The following TECTA variants were observed in gnomAD, a reference collection of about 807,000 sequenced individuals.
TECTA encodes alpha-tectorin.
TECTA carries 128 observed loss-of-function variants against 216.8 expected under a neutral mutation model. That is an observed-to-expected ratio of 0.59 (90% confidence interval 0.51 to 0.68). The LOEUF (loss-of-function observed/expected upper bound fraction) is 0.68, where lower values mean the gene tolerates loss of function less well. TECTA is among the 30% of genes least tolerant of loss of function. TECTA has a pLI of 0.00. For synonymous variants in TECTA, 1,089 were observed against 1,117.1 expected (o/e 0.97, Z 0.50); for missense variants, 2,551 against 2,786.2 (o/e 0.92, Z 1.90).
chr11:121,153,141 A>G (rs1344553438), intron 13 of TECTA, 61 bp downstream of exon 13: 1 of 1,558,992 alleles, frequency 6.4e-7, no homozygotes, highest in Non-Finnish European at 8.7e-7. Context: ...CTCCAACTCT[A>G]AGAGGTTGGT....
chr11:121,108,273 C>A (rs1783778), intron 3 of TECTA, among the ~76,000 whole-genome samples: 58,486 of 151,436 alleles, frequency 0.39, 11,316 homozygotes, highest in Middle Eastern at 0.43. Context: ...ACGCATGCCA[C>A]CCCCAGTACA....
At chr11:121,187,679 G>A (rs925729764) in intron 20 of TECTA, among the ~76,000 whole-genome samples, 153 bp from the exon 21 acceptor site, 1 of 151,764 alleles carries the variant, frequency 6.6e-6, no homozygotes, top group African/African-American at 2.4e-5. Context: ...TAAATGACAA[G>A]CCCATGCAGT....
intron 10 of TECTA, among the ~76,000 whole-genome samples, 174 bp from the exon 11 acceptor site, chr11:121,137,247 C>T (rs929965827): frequency 7.2e-5 from 11 of 152,068 alleles, no homozygotes; most frequent in East Asian, 3.9e-4. Context: ...CTCGCACACA[C>T]GCACGTGCAC....
chr11:121,185,148 G>A (rs988086183), intron 20 of TECTA, among the ~76,000 whole-genome samples: 11 of 152,214 alleles, frequency 7.2e-5, no homozygotes, highest in African/African-American at 1.9e-4. Context: ...CTGAATAAAC[G>A]TCTTCAAATT....
At chr11:121,161,990 CA>C in intron 15 of TECTA, 84 bp from the exon 16 acceptor site, 1 of 1,577,650 alleles carries the variant, frequency 6.3e-7, no homozygotes. Context: ...GCACTAGCTT[CA>C]GGGGTAGCAA....
intron 20 of TECTA, among the ~76,000 whole-genome samples, chr11:121,171,097 T>C (rs942548428): frequency 4.6e-5 from 7 of 152,176 alleles, no homozygotes; most frequent in South Asian, 4.1e-4. Flanking sequence ...TTTGAGTTGA[T>C]TTTTGTTTAT....
rs1021335399 is a variant in TECTA at position 121,105,670 on chromosome 11, G to A, written c.65-161G>A. Reference sequence around the variant, plus strand: ...CGTTTCCCAGAGCAGAAGATACTGCGCTGTGTATGGCCTAGGTTTAGGATG... The same window carrying A: ...CGTTTCCCAGAGCAGAAGATACTGCACTGTGTATGGCCTAGGTTTAGGATG... On this transcript the variant is annotated intron_variant, in intron 2 of 23. Coordinates refer to ENST00000392793, the MANE Select transcript of TECTA (RefSeq NM_005422.4). This position sits in a 1 kb window ranked among gnomAD's most constrained non-coding sequence, Gnocchi z 5.3. 1.3e-5 allele frequency among the ~76,000 whole-genome samples: 2 copies of A among 152,214 alleles called. No homozygotes were observed. The highest frequency in any genetic ancestry group is 1.9e-4 in the East Asian group (1 of 5,200).
At chr11:121,115,940 A>G (rs1482785337) in intron 6 of TECTA, among the ~76,000 whole-genome samples, 1 of 152,148 alleles carries the variant, frequency 6.6e-6, no homozygotes, top group Non-Finnish European at 1.5e-5. Context: ...TAAAGGTGTG[A>G]GCCACTGCAC....
At position 121,118,503 on chromosome 11, in the gene TECTA, T is replaced by C. The variant is rs774534474; in HGVS notation, c.988T>C (p.Tyr330His). Residue 330 changes from tyrosine to histidine, a missense_variant, in exon 7 of 24, where the codon TAC becomes CAC. Tyr to His is a moderately conservative substitution (Grantham distance 83). Transcript: ENST00000392793. Reference sequence around the variant, plus strand: ...ATGCGTGGTGTTTGGGGAGCCACACTACCACACTTTTGACGGCTTCCTCTT... The same window carrying C: ...ATGCGTGGTGTTTGGGGAGCCACACCACCACACTTTTGACGGCTTCCTCTT... ...STCVVFGEPH[Y>H]HTFDGFLFHF... The C allele has an allele frequency of 1.9e-6, 3 of 1,614,200 alleles. No homozygotes were observed. Among genetic ancestry groups the C allele is most frequent in the Non-Finnish European group, 2.5e-6 (3 of 1,180,036 alleles).
chr11:121,129,547 A>G (rs2135083817), intron 9 of TECTA, 91 bp from the exon 10 acceptor site: 1 of 1,352,508 alleles, frequency 7.4e-7, no homozygotes, highest in South Asian at 1.2e-5. Context: ...AAGGCTAGCA[A>G]TAGGGCAGAC....
At position 121,166,783 on chromosome 11, in the gene TECTA, G is replaced by A. The variant is rs994326069; in HGVS notation, c.5586+3G>A. ...GGAATTGTGGAAACATTGTGCAGGT[G>A]AGAAAAGCAGCAGGAAAGAGCACCT... On this transcript the variant is annotated splice_donor_region_variant and intron_variant, in intron 18 of 23. Coordinates refer to ENST00000392793, the MANE Select transcript of TECTA (RefSeq NM_005422.4). 1.2e-6 allele frequency: 2 copies of A among 1,613,494 alleles called. No homozygotes were observed. Among genetic ancestry groups the A allele is most frequent in the African/African-American group, 1.3e-5 (1 of 74,950 alleles).
chr11:121,118,344 T>TTGAA lies in TECTA; in HGVS notation c.830_833dup (p.Cys279GlufsTer14). On this transcript the variant is annotated frameshift_variant, in exon 7 of 24. Transcript: ENST00000392793. LOFTEE classifies it high-confidence loss of function. ...GCGAGGGGAGGTGTTTTGGGATGAC[T>TTGAA]TGAACTGCACCGTCAAGTGCCGCTG... 1 of 1,614,202 alleles carries TTGAA rather than the reference T, an allele frequency of 6.2e-7. No homozygotes were observed. Among genetic ancestry groups the TTGAA allele is most frequent in the Non-Finnish European group, 8.5e-7 (1 of 1,180,048 alleles).
rs1478713324 is a variant in TECTA at position 121,158,214 on chromosome 11, A to G, written c.4679A>G (p.Asn1560Ser). 1 of 1,612,794 alleles carries G rather than the reference A, an allele frequency of 6.2e-7. No individual in the cohort carries two copies. Among genetic ancestry groups the G allele is most frequent in the Non-Finnish European group, 8.5e-7 (1 of 1,180,014 alleles). ...NEEQILINDR[N>S]TVKVNGTQVN... ...GAGCAGATTCTCATCAACGACCGGA[A>G]CACGGTCAAGGTAACCAGCCTGGCG... is the stretch of plus-strand genomic sequence containing the variant. Residue 1560 changes from asparagine (N) to serine (S), a missense_variant, in exon 14 of 24, where the codon AAC becomes AGC. Around this residue, in one of 3 missense-constraint regions of TECTA, gnomAD observed 2,375 missense variants for 2,563.9 expected, o/e 0.93. Coordinates refer to ENST00000392793, the MANE Select transcript of TECTA (RefSeq NM_005422.4).
At chr11:121,177,466 A>C (rs1450527223) in intron 20 of TECTA, among the ~76,000 whole-genome samples, 1 of 152,218 alleles carries the variant, frequency 6.6e-6, no homozygotes, top group Non-Finnish European at 1.5e-5. Context: ...CCTGGGTACC[A>C]GCAGTGGTGG....
chr11:121,139,864 A>C (rs1182489350), intron 11 of TECTA, among the ~76,000 whole-genome samples: 1 of 152,216 alleles, frequency 6.6e-6, no homozygotes, highest in Non-Finnish European at 1.5e-5. Flanking sequence ...ATGTTTGGAT[A>C]GTCAAAGCTA....
intron 21 of TECTA, 102 bp downstream of exon 21, chr11:121,188,096 C>G: frequency 7.8e-7 from 1 of 1,289,504 alleles, no homozygotes; most frequent in East Asian, 2.4e-5. Flanking sequence ...TGGAATCATC[C>G]ATAGATGCTT....
At chr11:121,165,447 G>A (rs965725328) in intron 17 of TECTA, 64 bp downstream of exon 17, 10 of 1,331,032 alleles carry the variant, frequency 7.5e-6, no homozygotes, top group South Asian at 2.6e-5. Flanking sequence ...TCTGGGGAAC[G>A]ACCTTGATGC....
intron 7 of TECTA, among the ~76,000 whole-genome samples, chr11:121,120,051 T>C (rs752268557): frequency 6.6e-6 from 1 of 152,254 alleles, no homozygotes; most frequent in South Asian, 2.1e-4. Flanking sequence ...AGCTTCCCCC[T>C]ACTTTCCTGT....
intron 17 of TECTA, 93 bp downstream of exon 17, chr11:121,165,476 TTCC>T: frequency 1.9e-6 from 2 of 1,055,954 alleles, no homozygotes; most frequent in Non-Finnish European, 2.8e-6. Flanking sequence ...TTGTGAAGCT[TTCC>T]CAAATAGTGA....
Sources: gnomAD v4.1 joint callset for allele counts (sites outside exome capture counted in the v4.1 genomes callset) on GRCh38, gnomAD v4.1.1 for gene constraint, gnomAD v4.1.1 regional missense constraint, Gnocchi (gnomAD v3.1) non-coding constraint, MANE v1.5 for transcripts, NCBI Gene and HGNC (gene_info 2026-07-23, HGNC 2026-07-21) for gene names.